The following B3GAT2 variants were observed in gnomAD, a reference collection of about 807,000 sequenced individuals.
B3GAT2 encodes galactosylgalactosylxylosylprotein 3-beta-glucuronosyltransferase 2.
B3GAT2 carries 26 observed loss-of-function variants against 27.8 expected under a neutral mutation model. That is an observed-to-expected ratio of 0.93 (90% CI 0.68 to 1.30). The LOEUF is 1.30. B3GAT2 is among the 50% of genes most tolerant of loss of function. The pLI is 0.00. For synonymous variants in B3GAT2, 218 were observed against 195.1 expected (o/e 1.12, Z -0.98); for missense variants, 458 against 459.0 (o/e 1.00, Z 0.02).
At position 70,858,068 on chromosome 6, in the gene B3GAT2, A is replaced by G. The variant is rs773073667; in HGVS notation, c.*3595T>C. On this transcript the variant is annotated 3_prime_UTR_variant, in exon 4 of 4. Coordinates refer to ENST00000230053, the MANE Select transcript of B3GAT2 (RefSeq NM_080742.3). ...ACAGAGTCCAAGCATGATGGTGGGC[A>G]TGCCCATGCCCAATGGGTTTATGGG... The G allele has an allele frequency of 7.4e-6, 12 of 1,613,950 alleles. No individual in the cohort carries two copies. Among genetic ancestry groups the G allele is most frequent in the Non-Finnish European group, 1.0e-5 (12 of 1,180,000 alleles).
intron 1 of B3GAT2, among the ~76,000 whole-genome samples, chr6:70,936,309 C>T (rs1765279941): frequency 2.0e-5 from 3 of 152,130 alleles, no homozygotes; most frequent in South Asian, 4.2e-4. Context: ...TAATGGGAGA[C>T]TTTAACACCC....
chr6:70,927,015 C>T (rs557922120), intron 1 of B3GAT2, among the ~76,000 whole-genome samples: 5 of 152,108 alleles, frequency 3.3e-5, no homozygotes, highest in Admixed American at 1.3e-4. Flanking sequence ...GAGAGGGGGC[C>T]GATATTCAAC....
Position 70,856,910 on chromosome 6 carries a change from G to T in B3GAT2, c.*4753C>A. ...AACCCTGTCTACAGTAACATCTGGG[G>T]ATCTAGATTTATTCACTGAGCAAAC... On this transcript the variant is annotated 3_prime_UTR_variant, in exon 4 of 4. Transcript: ENST00000230053. 5.0e-6 allele frequency: 8 copies of T among 1,613,878 alleles called. No individual in the cohort carries two copies. The highest frequency in any genetic ancestry group is 6.8e-6 in the Non-Finnish European group (8 of 1,179,824).
At chr6:70,899,619 C>T (rs183127397) in intron 1 of B3GAT2, among the ~76,000 whole-genome samples, 3 of 152,178 alleles carry the variant, frequency 2.0e-5, no homozygotes, top group Non-Finnish European at 2.9e-5. Flanking sequence ...ACCATCTATG[C>T]CCTGCTGAAA....
chr6:70,934,283 C>CG (rs1187292679), intron 1 of B3GAT2, among the ~76,000 whole-genome samples: 4 of 152,280 alleles, frequency 2.6e-5, no homozygotes, highest in African/African-American at 9.6e-5. Flanking sequence ...TCCCTACATA[C>CG]GGCATAAGCT....
rs1765643099 is a variant in B3GAT2 at position 70,955,716 on chromosome 6, C to A, written c.591+123G>T. On this transcript the variant is annotated intron_variant, in intron 1 of 3. Transcript: ENST00000230053. ...GCGGCTCCACTCGGTGCCCCGAATG[C>A]GCGCACGGAGAACTGAGAACTCAAA... 8 of 1,175,472 alleles carry A rather than the reference C, an allele frequency of 6.8e-6. No individual in the cohort carries two copies. The South Asian group carries it at 1.4e-4, about 20-fold the overall frequency. 72.8% of individuals were successfully genotyped at this position (1,175,472 alleles called of 1,614,324 possible).
chr6:70,927,442 C>T (rs1474023823), intron 1 of B3GAT2, among the ~76,000 whole-genome samples: 5 of 152,200 alleles, frequency 3.3e-5, no homozygotes, highest in Admixed American at 3.3e-4. Flanking sequence ...ATCTCACATG[C>T]AGAGACACAC....
chr6:70,878,968 A>G (rs922399428), intron 2 of B3GAT2, among the ~76,000 whole-genome samples: 1 of 151,966 alleles, frequency 6.6e-6, no homozygotes, highest in Non-Finnish European at 1.5e-5. Flanking sequence ...AAATATACCA[A>G]CGTTTTTATT....
chr6:70,866,931 C>A (rs1771861018), intron 2 of B3GAT2, among the ~76,000 whole-genome samples: 1 of 152,012 alleles, frequency 6.6e-6, no homozygotes, highest in Non-Finnish European at 1.5e-5. Flanking sequence ...AAATCTGTCT[C>A]AATACATTTA....
At chr6:70,938,112 GACAA>G (rs1290384277) in intron 1 of B3GAT2, among the ~76,000 whole-genome samples, 7 of 150,632 alleles carry the variant, frequency 4.6e-5, no homozygotes, top group Non-Finnish European at 8.8e-5. Flanking sequence ...ACCAATAACA[GACAA>G]ACAGAGAGCC....
At chr6:70,944,681 A>G (rs1765449228) in intron 1 of B3GAT2, among the ~76,000 whole-genome samples, 1 of 152,180 alleles carries the variant, frequency 6.6e-6, no homozygotes, top group African/African-American at 2.4e-5. Context: ...ACCTCTGCAG[A>G]CTTAAATGTC....
intron 2 of B3GAT2, among the ~76,000 whole-genome samples, chr6:70,870,830 A>T (rs960896771): frequency 2.0e-5 from 3 of 152,132 alleles, no homozygotes; most frequent in African/African-American, 7.2e-5. Context: ...GATCTTAGGG[A>T]AAAAGCTTTC....
intron 1 of B3GAT2, among the ~76,000 whole-genome samples, chr6:70,916,131 G>A (rs1772769054): frequency 6.6e-6 from 1 of 151,856 alleles, no homozygotes; most frequent in Admixed American, 6.6e-5. Context: ...TTGTAAGTTG[G>A]ATTCCTAGGT....
At position 70,858,213 on chromosome 6, in the gene B3GAT2, A is replaced by C; in HGVS notation, c.*3450T>G. 6.3e-7 allele frequency: 1 copy of C among 1,596,554 alleles called. No homozygotes were observed. The highest frequency in any genetic ancestry group is 8.5e-7 in the Non-Finnish European group (1 of 1,169,728). On this transcript the variant is annotated 3_prime_UTR_variant, in exon 4 of 4. Coordinates refer to ENST00000230053, the MANE Select transcript of B3GAT2 (RefSeq NM_080742.3). Reference sequence around the variant, plus strand: ...GGCCTGCCGCAAGCTCAGCAGCCCCAGTGGAGCCTCTCACAGGTAGGGGTC... The same window carrying C: ...GGCCTGCCGCAAGCTCAGCAGCCCCCGTGGAGCCTCTCACAGGTAGGGGTC...
rs532015655 is a variant in B3GAT2, at chr6:70,906,419, C to G, written c.592-12147G>C. Among the ~76,000 whole-genome samples the G allele has an allele frequency of 5.9e-5, 9 of 152,282 alleles. No homozygotes were observed. In the South Asian group the frequency reaches 1.5e-3, roughly 25 times the overall value. ...TGGCATGATCACAGCTCACTGCAAG[C>G]TTGACCTCCTCCTGGGCTCAAGCAA... On this transcript the variant is annotated intron_variant, in intron 1 of 3. Coordinates refer to ENST00000230053, the MANE Select transcript of B3GAT2 (RefSeq NM_080742.3).
chr6:70,953,165 G>A (rs560953930), intron 1 of B3GAT2, among the ~76,000 whole-genome samples: 1 of 152,304 alleles, frequency 6.6e-6, no homozygotes, highest in South Asian at 2.1e-4. Flanking sequence ...ATAAAGGGCT[G>A]AGATATATGC....
intron 1 of B3GAT2, among the ~76,000 whole-genome samples, chr6:70,900,648 C>T (rs539456339): frequency 2.0e-5 from 3 of 152,332 alleles, no homozygotes; most frequent in South Asian, 4.1e-4. Context: ...CTTTCTGCTA[C>T]GTTCTTTTCG....
chr6:70,856,797 G>A lies in B3GAT2; in HGVS notation c.*4866C>T, dbSNP rs1362246370. 2 of 1,453,884 alleles carry A rather than the reference G, an allele frequency of 1.4e-6. No homozygotes were observed. Among genetic ancestry groups the A allele is most frequent in the African/African-American group, 1.4e-5 (1 of 70,558 alleles). 90.1% of individuals were successfully genotyped at this position (1,453,884 alleles called of 1,614,324 possible). On this transcript the variant is annotated 3_prime_UTR_variant, in exon 4 of 4. Coordinates refer to ENST00000230053, the MANE Select transcript of B3GAT2 (RefSeq NM_080742.3). ...TTTTATAACTTTATTTGGATTTTAA[G>A]TAATGGATAAGCTGCGCTTTACTAT...
chr6:70,890,045 G>A (rs1772261074), intron 2 of B3GAT2, among the ~76,000 whole-genome samples: 1 of 152,032 alleles, frequency 6.6e-6, no homozygotes, highest in Non-Finnish European at 1.5e-5. Flanking sequence ...GCCTCCCAAA[G>A]TGCCGAGATT....
Sources: gnomAD v4.1 joint callset for allele counts (sites outside exome capture counted in the v4.1 genomes callset) on GRCh38, gnomAD v4.1.1 for gene constraint, MANE v1.5 for transcripts, NCBI Gene and HGNC (gene_info 2026-07-23, HGNC 2026-07-21) for gene names.